Variants in EXD3 observed in about 807,000 individuals in gnomAD.
EXD3 encodes the protein exonuclease mut-7 homolog.
EXD3 carries 92 observed loss-of-function variants against 98.0 expected under a neutral mutation model. The observed-to-expected ratio is 0.94, with a 90% confidence interval of 0.79 to 1.12. The LOEUF is 1.12. Among genes scored for constraint, EXD3 ranks in the 50% most tolerant of loss-of-function variants. EXD3 has a pLI of 0.00. For missense variants in EXD3, 1,222 were observed against 1,191.6 expected (o/e 1.03, Z -0.38); for synonymous variants, 569 against 526.0 (o/e 1.08, Z -1.12).
Position 137,367,935 on chromosome 9 carries a change from C to A in EXD3, c.516+1G>T. 2 of 1,612,162 alleles carry A rather than the reference C, an allele frequency of 1.2e-6. No individual in the cohort carries two copies. Among genetic ancestry groups the A allele is most frequent in the Non-Finnish European group, 1.7e-6 (2 of 1,179,616 alleles). On this transcript the variant is annotated splice_donor_variant, in intron 6 of 21. Coordinates refer to ENST00000340951, the MANE Select transcript of EXD3 (RefSeq NM_017820.5). LOFTEE classifies it high-confidence loss of function. ...ACAATTTACATGAGAAAGACGTTCA[C>A]CTTTTCAACGCCAAGCTCCGACTGC...
rs752815262 is a variant in EXD3 at position 137,307,218 on chromosome 9, G to A, written c.2363C>T (p.Pro788Leu). Residue 788 changes from proline (P) to leucine (L), a missense_variant, in exon 22 of 22, where the codon CCC (proline) becomes CTC (leucine). By Grantham distance (98) the Pro-to-Leu change is moderately conservative. Transcript: ENST00000340951. Reference sequence around the variant, plus strand: ...GTCAGCCATCTGCAGCCAGCGGCAGGGGCGGTCATAGGTGCAGCCCTCAGG... The same window carrying A: ...GTCAGCCATCTGCAGCCAGCGGCAGAGGCGGTCATAGGTGCAGCCCTCAGG... ...AAPEGCTYDR[P>L]CRWLQMADLR... 3.8e-6 allele frequency: 6 copies of A among 1,574,980 alleles called. No individual in the cohort carries two copies. Among genetic ancestry groups the A allele is most frequent in the African/African-American group, 1.3e-5 (1 of 74,192 alleles).
chr9:137,337,357 A>G (rs1564488260), intron 17 of EXD3, among the ~76,000 whole-genome samples: 1 of 152,174 alleles, frequency 6.6e-6, no homozygotes, highest in Non-Finnish European at 1.5e-5. Context: ...AGTAAATAGG[A>G]TAAAGATGAT....
At chr9:137,380,731 C>T (rs1836218110) in intron 3 of EXD3, among the ~76,000 whole-genome samples, 1 of 131,162 alleles carries the variant, frequency 7.6e-6, no homozygotes, top group African/African-American at 3.0e-5. Flanking sequence ...ATCCCCTGCA[C>T]TGAGCTGTTG....
Position 137,385,286 on chromosome 9 carries a change from G to A in EXD3, c.56-1909C>T, listed in dbSNP as rs1588399483. Among the ~76,000 whole-genome samples, 1 of 152,152 alleles carries A rather than the reference G, an allele frequency of 6.6e-6. No homozygotes were observed. The highest frequency in any genetic ancestry group is 2.4e-5 in the African/African-American group (1 of 41,452). On this transcript the variant is annotated intron_variant, in intron 2 of 21. Transcript: ENST00000340951. The surrounding 1 kb of genome is among the most constrained non-coding windows in gnomAD (Gnocchi z 4.4). ...TCCACTGTAGGAGGACGGAGCAAGT[G>A]CATCAGCCCCGGGACGATGCCCAGG...
chr9:137,401,508 G>A (rs914933386), intron 1 of EXD3, among the ~76,000 whole-genome samples: 15 of 152,200 alleles, frequency 9.9e-5, no homozygotes, highest in Middle Eastern at 3.4e-3. Flanking sequence ...TGAGGGCCCC[G>A]CCCCACAGCA....
chr9:137,330,768 CAG>C (rs1270056227), intron 17 of EXD3, among the ~76,000 whole-genome samples: 3 of 152,236 alleles, frequency 2.0e-5, no homozygotes, highest in East Asian at 1.9e-4. Context: ...AAAGAGGAAA[CAG>C]AGCTTATTAG....
rs567723293 is a variant in EXD3 at position 137,355,343 on chromosome 9, C to T, written c.758-570G>A. ...TGGCTGGTCCTCAGCGGGGTGCCGA[C>T]CTTTCAGGGCCCCACCCCCCACGCC... On this transcript the variant is annotated intron_variant, in intron 8 of 21. Coordinates refer to ENST00000340951, the MANE Select transcript of EXD3 (RefSeq NM_017820.5). Among the ~76,000 whole-genome samples the T allele has an allele frequency of 3.9e-5, 6 of 151,920 alleles. No homozygotes were observed. In the South Asian group the frequency reaches 1.2e-3, roughly 32 times the overall value.
intron 17 of EXD3, among the ~76,000 whole-genome samples, chr9:137,336,663 A>AG: frequency 6.6e-6 from 1 of 151,774 alleles, no homozygotes; most frequent in South Asian, 2.1e-4. Flanking sequence ...GTCTAAAAAA[A>AG]AAAAAAAAAA....
chr9:137,395,505 C>T lies in EXD3; in HGVS notation c.-47-101G>A. On this transcript the variant is annotated intron_variant, in intron 1 of 21. Transcript: ENST00000340951. This position sits in a 1 kb window ranked among gnomAD's most constrained non-coding sequence, Gnocchi z 6.5. ...CTGGAGGTGGTGGAGGGAGCTGGTG[C>T]CTGGGGGGGCCCAAGTGGGACCCCC... The T allele has an allele frequency of 1.8e-6, 2 of 1,130,720 alleles. No homozygotes were observed. The highest frequency in any genetic ancestry group is 2.5e-6 in the Non-Finnish European group (2 of 790,812). The allele number at this position is 1,130,720 out of a possible 1,614,324, so 70.0% of individuals were successfully genotyped here.
intron 19 of EXD3, among the ~76,000 whole-genome samples, chr9:137,312,757 G>C (rs1831435007): frequency 6.6e-6 from 1 of 152,132 alleles, no homozygotes; most frequent in Admixed American, 6.5e-5. Flanking sequence ...GTGTCTGGGG[G>C]CTCTGAGCAT....
chr9:137,422,779 C>A (rs954067463), intron 1 of EXD3, among the ~76,000 whole-genome samples: 1 of 152,130 alleles, frequency 6.6e-6, no homozygotes, highest in Non-Finnish European at 1.5e-5. Flanking sequence ...TCCTCCTCGG[C>A]GAGGGAGCGA....
chr9:137,355,506 A>G (rs1449084175), intron 8 of EXD3, among the ~76,000 whole-genome samples: 4 of 80,614 alleles, frequency 5.0e-5, no homozygotes, highest in Admixed American at 2.4e-4. Context: ...GGAAGGAGGA[A>G]GGAGGAAGGA....
intron 1 of EXD3, among the ~76,000 whole-genome samples, chr9:137,418,217 T>G (rs1003113215): frequency 1.2e-4 from 18 of 152,212 alleles, no homozygotes; most frequent in Non-Finnish European, 2.4e-4. Context: ...CGTGGTGGCA[T>G]GCACCTGTAG....
At chr9:137,326,697 G>T (rs1356940214) in intron 17 of EXD3, among the ~76,000 whole-genome samples, 2 of 152,136 alleles carry the variant, frequency 1.3e-5, no homozygotes, top group Non-Finnish European at 2.9e-5. Flanking sequence ...AAAAAAAAAG[G>T]GAAATAAATG....
chr9:137,352,349 C>A (rs527811570), intron 11 of EXD3, 148 bp from the exon 12 acceptor site: 6 of 1,193,100 alleles, frequency 5.0e-6, no homozygotes, highest in Admixed American at 2.3e-5. Context: ...TCCAGCCCAG[C>A]GTGACCCTTG....
intron 17 of EXD3, among the ~76,000 whole-genome samples, chr9:137,330,531 C>G (rs1335476857): frequency 1.4e-5 from 2 of 138,308 alleles, no homozygotes; most frequent in Non-Finnish European, 3.1e-5. Flanking sequence ...CACACAGGAG[C>G]TATACAGGAG....
At chr9:137,413,920 T>C (rs1412469977) in intron 1 of EXD3, among the ~76,000 whole-genome samples, 6 of 136,550 alleles carry the variant, frequency 4.4e-5, no homozygotes, top group Non-Finnish European at 9.3e-5. Flanking sequence ...TTTTTTTTTC[T>C]TTTTTTTTTT....
At position 137,411,884 on chromosome 9, in the gene EXD3, G is replaced by C. The variant is rs1370280042; in HGVS notation, c.-48+11230C>G. On this transcript the variant is annotated intron_variant, in intron 1 of 21. Transcript: ENST00000340951. ...CATTCTTGTCCGGGCGCCAGGTCAC[G>C]CTTCCTCTGCGGTTTTTCTGTGGTG... Among the ~76,000 whole-genome samples, 29 of 152,206 alleles carry C rather than the reference G, an allele frequency of 1.9e-4. 1 individual carries two copies. Among genetic ancestry groups the C allele is most frequent in the Admixed American group, 1.9e-3 (29 of 15,286 alleles).
At chr9:137,387,323 C>T (rs1335891152) in intron 2 of EXD3, among the ~76,000 whole-genome samples, 6 of 152,210 alleles carry the variant, frequency 3.9e-5, no homozygotes, top group African/African-American at 1.2e-4. Flanking sequence ...CAGGGCCAGC[C>T]GTGCACACAT....
Sources: gnomAD v4.1 joint callset for allele counts (sites outside exome capture counted in the v4.1 genomes callset) on GRCh38, gnomAD v4.1.1 for gene constraint, Gnocchi (gnomAD v3.1) non-coding constraint, MANE v1.5 for transcripts, NCBI Gene and HGNC (gene_info 2026-07-23, HGNC 2026-07-21) for gene names.